The following RYR2 variants were observed in gnomAD, a reference collection of about 807,000 sequenced individuals.
RYR2 encodes cardiac muscle ryanodine receptor-calcium release channel.
A neutral mutation model predicts 601.1 loss-of-function variants in RYR2; 227 were observed. The ratio of observed to expected loss-of-function variants is 0.38; its 90% CI spans 0.34 to 0.42. The LOEUF is 0.42. RYR2 is among the 10% of genes least tolerant of loss of function. RYR2 has a pLI of 1.00. For missense variants in RYR2, 4,646 were observed against 6,156.5 expected (o/e 0.75, Z 8.21); for synonymous variants, 2,223 against 2,175.1 (o/e 1.02, Z -0.61).
chr1:237,238,975 C>A (rs1685874564), intron 1 of RYR2, among the ~76,000 whole-genome samples: 1 of 152,126 alleles, frequency 6.6e-6, no homozygotes. Flanking sequence ...GGACTCTGTT[C>A]TCACTCCTCT....
chr1:237,820,913 C>A (rs1374982783), intron 101 of RYR2, among the ~76,000 whole-genome samples: 1 of 152,170 alleles, frequency 6.6e-6, no homozygotes, highest in Non-Finnish European at 1.5e-5. Flanking sequence ...CTGGGAAGTT[C>A]GAACTGGGTG....
intron 2 of RYR2, among the ~76,000 whole-genome samples, chr1:237,304,724 G>A (rs1025924256): frequency 7.9e-5 from 11 of 139,422 alleles, no homozygotes; most frequent in Non-Finnish European, 1.7e-4. Flanking sequence ...CAAGAGCCAT[G>A]AACTTTATAT....
At chr1:237,315,513 T>A (rs895373305) in intron 2 of RYR2, among the ~76,000 whole-genome samples, 5 of 152,186 alleles carry the variant, frequency 3.3e-5, no homozygotes, top group African/African-American at 1.2e-4. Flanking sequence ...CCATTTGCAA[T>A]GAGATGATAA....
At chr1:237,225,355 AAGG>A (rs902191487) in intron 1 of RYR2, among the ~76,000 whole-genome samples, 12 of 152,152 alleles carry the variant, frequency 7.9e-5, no homozygotes, top group African/African-American at 2.9e-4. Flanking sequence ...TTATAAAGAA[AAGG>A]AGGTTTAATG....
At chr1:237,055,836 A>G (rs946594864) in intron 1 of RYR2, among the ~76,000 whole-genome samples, 2 of 152,238 alleles carry the variant, frequency 1.3e-5, no homozygotes, top group Non-Finnish European at 2.9e-5. Flanking sequence ...CCCTGGTCCT[A>G]TATGACTAGT....
intron 2 of RYR2, among the ~76,000 whole-genome samples, chr1:237,275,685 A>T (rs1416481085): frequency 2.0e-5 from 3 of 152,226 alleles, no homozygotes; most frequent in African/African-American, 7.2e-5. Context: ...CATAATCAAT[A>T]AGGTTGACCT....
At chr1:237,609,428 G>T (rs1235197756) in intron 35 of RYR2, among the ~76,000 whole-genome samples, 4 of 145,654 alleles carry the variant, frequency 2.7e-5, no homozygotes, top group Non-Finnish European at 4.5e-5. Flanking sequence ...GGAGTGCAGT[G>T]ACACGATCTC....
intron 1 of RYR2, among the ~76,000 whole-genome samples, chr1:237,219,004 T>C (rs1451441603): frequency 6.8e-6 from 1 of 146,164 alleles, no homozygotes; most frequent in East Asian, 2.1e-4. Context: ...GCTTTCCTTA[T>C]ACTTGATTTT....
Position 237,372,202 on chromosome 1 carries a change from G to T in RYR2, c.385-2515G>T, listed in dbSNP as rs149576118. 4.6e-5 allele frequency among the ~76,000 whole-genome samples: 7 copies of T among 152,306 alleles called. No homozygotes were observed. In the South Asian group the frequency reaches 1.4e-3, roughly 32 times the overall value. ...TGAGAAGTATAGGAAATACATGGACGTGATTTTAATGATGATTTAATAATA... is the reference window on the plus strand; with the variant it reads ...TGAGAAGTATAGGAAATACATGGACTTGATTTTAATGATGATTTAATAATA... On this transcript the variant is annotated intron_variant, in intron 6 of 104. Coordinates refer to ENST00000366574, the MANE Select transcript of RYR2 (RefSeq NM_001035.3).
intron 56 of RYR2, among the ~76,000 whole-genome samples, chr1:237,666,132 G>C (rs758531999): frequency 2.6e-5 from 4 of 152,130 alleles, no homozygotes; most frequent in Admixed American, 6.5e-5. Flanking sequence ...CAAGACATTT[G>C]TAAATATTGA....
In RYR2 at chr1:237,374,889, G is replaced by C. The variant is rs1700904691; in HGVS notation, c.463+94G>C. 4.4e-6 allele frequency: 4 copies of C among 918,394 alleles called. No homozygotes were observed. In the Admixed American group the frequency reaches 8.9e-5, roughly 20 times the overall value. 56.9% of individuals were successfully genotyped at this position (918,394 alleles called of 1,614,324 possible). ...GGGAAATACGATACATGGGATGAAT[G>C]TTCTTATGGATGGAGTCAGGAAAGA... On this transcript the variant is annotated intron_variant, in intron 7 of 104. Transcript: ENST00000366574.
chr1:237,670,591 A>T (rs887432126), intron 58 of RYR2, among the ~76,000 whole-genome samples: 3 of 152,196 alleles, frequency 2.0e-5, no homozygotes, highest in African/African-American at 4.8e-5. Flanking sequence ...TGCTTATTAC[A>T]TGAGCAGATT....
At chr1:237,116,770 C>T (rs576289106) in intron 1 of RYR2, among the ~76,000 whole-genome samples, 21 of 152,068 alleles carry the variant, frequency 1.4e-4, no homozygotes, top group Middle Eastern at 3.4e-3. Flanking sequence ...AGTGAGATGT[C>T]GTAGCTCAAG....
intron 1 of RYR2, among the ~76,000 whole-genome samples, chr1:237,098,895 A>G (rs114836489): frequency 0.04 from 6,110 of 152,192 alleles, 186 homozygotes; most frequent in Non-Finnish European, 0.062. Context: ...CAGACTGTGC[A>G]AAATATTCAG....
Position 237,481,117 on chromosome 1 carries a change from T to TATATATATATGTATATAC in RYR2, c.1709-10680_1709-10679insTGTATATACATATATATA, listed in dbSNP as rs1187191731. Among the ~76,000 whole-genome samples, 5 of 135,900 alleles carry TATATATATATGTATATAC rather than the reference T, an allele frequency of 3.7e-5. No homozygotes were observed. In the East Asian group the frequency reaches 7.2e-4, roughly 20 times the overall value. The allele number at this position is 135,900 out of a possible 152,430, so 89.2% of individuals were successfully genotyped here. On this transcript the variant is annotated intron_variant, in intron 17 of 104. Coordinates refer to ENST00000366574, the MANE Select transcript of RYR2 (RefSeq NM_001035.3). Reference sequence around the variant, plus strand: ...TTAAGTGTATATATACATATATATATATATATATACACACACATATATATA... The same window carrying TATATATATATGTATATAC: ...TTAAGTGTATATATACATATATATATATATATATATGTATATACATATATATACACACACATATATATA...
rs956949891 is a variant in RYR2 at position 237,569,330 on chromosome 1, T to C, written c.3598+11T>C. 50 of 1,611,982 alleles carry C rather than the reference T, an allele frequency of 3.1e-5. No homozygotes were observed. The highest frequency in any genetic ancestry group is 1.1e-4 in the East Asian group (5 of 44,798). ...TTGATGTTGGCGATGGTAAGTCTACTATGTTTTGTGTTTTTTTTAAGTTTG... is the reference window on the plus strand; with the variant it reads ...TTGATGTTGGCGATGGTAAGTCTACCATGTTTTGTGTTTTTTTTAAGTTTG... On this transcript the variant is annotated intron_variant, in intron 29 of 104. Transcript: ENST00000366574.
chr1:237,226,869 A>T (rs1210723874), intron 1 of RYR2, among the ~76,000 whole-genome samples: 1 of 152,120 alleles, frequency 6.6e-6, no homozygotes, highest in African/African-American at 2.4e-5. Flanking sequence ...CCCGGGTTCA[A>T]GCGATTCTCC....
intron 1 of RYR2, among the ~76,000 whole-genome samples, chr1:237,142,361 C>G (rs1204474931): frequency 6.6e-6 from 1 of 152,200 alleles, no homozygotes; most frequent in East Asian, 1.9e-4. Context: ...AATGCCCTAT[C>G]TAAAGGAAAG....
intron 92 of RYR2, among the ~76,000 whole-genome samples, chr1:237,791,071 G>A (rs924606958): frequency 2.0e-5 from 3 of 152,120 alleles, no homozygotes; most frequent in Admixed American, 1.3e-4. Context: ...CCCCGCTTGT[G>A]CATTCAGGCC....
Sources: gnomAD v4.1 joint callset for allele counts (sites outside exome capture counted in the v4.1 genomes callset) on GRCh38, gnomAD v4.1.1 for gene constraint, MANE v1.5 for transcripts, NCBI Gene and HGNC (gene_info 2026-07-23, HGNC 2026-07-21) for gene names.